The following ANKRD11 variants were observed in gnomAD, a reference collection of about 807,000 sequenced individuals.
ANKRD11 encodes ankyrin repeat domain-containing protein 11.
Under a neutral mutation model 195.7 loss-of-function variants are expected in ANKRD11, and 17 were observed. That is an observed-to-expected ratio of 0.09 (90% CI 0.06 to 0.13). ANKRD11 has a LOEUF of 0.13. Ranked by LOEUF, ANKRD11 falls within the 10% of genes least tolerant of loss-of-function variation. ANKRD11 has a pLI of 1.00. For synonymous variants in ANKRD11, 1,953 were observed against 1,528.1 expected (o/e 1.28, Z -6.49); for missense variants, 3,735 against 3,566.1 (o/e 1.05, Z -1.21).
rs576560611 is a variant in ANKRD11 at position 89,303,238 on chromosome 16, C to T, written c.226+1968G>A. On this transcript the variant is annotated intron_variant, in intron 4 of 12. Transcript: ENST00000301030. ...ACCTCAAAGGTCTGAGGCCAACTCCCGCATGGCCACTGTGCAAAGAGCTAA... is the reference window on the plus strand; with the variant it reads ...ACCTCAAAGGTCTGAGGCCAACTCCTGCATGGCCACTGTGCAAAGAGCTAA... Among the ~76,000 whole-genome samples, 15 of 152,338 alleles carry T rather than the reference C, an allele frequency of 9.8e-5. No homozygotes were observed. The South Asian group carries it at 1.4e-3, about 15-fold the overall frequency.
At chr16:89,293,928 C>A (rs150901807) in intron 4 of ANKRD11, among the ~76,000 whole-genome samples, 1 of 152,142 alleles carries the variant, frequency 6.6e-6, no homozygotes, top group Non-Finnish European at 1.5e-5. Flanking sequence ...CAGGAGCCCA[C>A]GCTGCGTCCC....
chr16:89,285,711 A>G lies in ANKRD11; in HGVS notation c.893-62T>C. On this transcript the variant is annotated intron_variant, in intron 8 of 12. Transcript: ENST00000301030. The surrounding 1 kb of genome is among the most constrained non-coding windows in gnomAD (Gnocchi z 5.6). ...TCAAAACAGCTCTCCCCAGAATGGC[A>G]GAGGAGGGAGGCTCTGCAGATGTGT... 1 of 1,559,116 alleles carries G rather than the reference A, an allele frequency of 6.4e-7. No individual in the cohort carries two copies. The highest frequency in any genetic ancestry group is 8.8e-7 in the Non-Finnish European group (1 of 1,130,552).
At chr16:89,452,779 C>CAAA (rs11401095) in intron 1 of ANKRD11, among the ~76,000 whole-genome samples, 137 of 72,982 alleles carry the variant, frequency 1.9e-3, no homozygotes, top group Middle Eastern at 7.1e-3. Flanking sequence ...GACTCTATCT[C>CAAA]AAAAAAAAAA....
At chr16:89,441,546 T>C (rs1473251406) in intron 1 of ANKRD11, among the ~76,000 whole-genome samples, 3 of 151,838 alleles carry the variant, frequency 2.0e-5, no homozygotes, top group Admixed American at 1.3e-4. Flanking sequence ...GGCGGGCGGA[T>C]CACGAGGTCA....
At chr16:89,350,357 T>G (rs534320788) in intron 2 of ANKRD11, among the ~76,000 whole-genome samples, 15 of 152,210 alleles carry the variant, frequency 9.9e-5, no homozygotes, top group African/African-American at 3.6e-4. Flanking sequence ...CATCTGATGC[T>G]TTGCATGCAA....
intron 2 of ANKRD11, among the ~76,000 whole-genome samples, chr16:89,364,455 A>T (rs1214730266): frequency 6.6e-6 from 1 of 152,216 alleles, no homozygotes; most frequent in Non-Finnish European, 1.5e-5. Flanking sequence ...GTTGTTTGAG[A>T]TGCTACTTAA....
chr16:89,432,699 C>T (rs2043033259), intron 1 of ANKRD11, among the ~76,000 whole-genome samples: 3 of 152,228 alleles, frequency 2.0e-5, no homozygotes, highest in Middle Eastern at 6.8e-3. Flanking sequence ...CACACTCACC[C>T]CCATTCATAT....
chr16:89,460,980 C>T (rs1378401331), intron 1 of ANKRD11, among the ~76,000 whole-genome samples: 7 of 76,958 alleles, frequency 9.1e-5, no homozygotes, highest in Admixed American at 2.7e-4. Flanking sequence ...CCCCCCCCCC[C>T]AACAGGAGAC....
In ANKRD11 at chr16:89,442,839, C is replaced by T. The variant is rs891498706; in HGVS notation, c.-144-24471G>A. ...GCCTGGTGAGCCTCCGGCGCTCCTG[C>T]CCCTTACAGCACAAGCCGGCCACCA... is the stretch of plus-strand genomic sequence containing the variant. On this transcript the variant is annotated intron_variant, in intron 1 of 12. Coordinates refer to ENST00000301030, the MANE Select transcript of ANKRD11 (RefSeq NM_013275.6). Among the ~76,000 whole-genome samples, 17 of 152,312 alleles carry T rather than the reference C, an allele frequency of 1.1e-4. 3 individuals carry two copies. Among genetic ancestry groups the T allele is most frequent in the Admixed American group, 6.5e-4 (10 of 15,308 alleles).
chr16:89,361,837 A>G (rs1441239185), intron 2 of ANKRD11, among the ~76,000 whole-genome samples: 1 of 152,208 alleles, frequency 6.6e-6, no homozygotes, highest in Non-Finnish European at 1.5e-5. Flanking sequence ...TTTAAAAACA[A>G]AACAAACAAA....
At chr16:89,484,816 G>A (rs375578768) in intron 1 of ANKRD11, among the ~76,000 whole-genome samples, 32 of 152,232 alleles carry the variant, frequency 2.1e-4, no homozygotes, top group African/African-American at 5.8e-4. Flanking sequence ...TTGAGAAAAA[G>A]CCAACATTTT....
Position 89,316,933 on chromosome 16 carries a change from CT to C in ANKRD11, c.86del (p.Lys29ArgfsTer8). On this transcript the variant is annotated frameshift_variant and splice_region_variant, in exon 3 of 13. Coordinates refer to ENST00000301030, the MANE Select transcript of ANKRD11 (RefSeq NM_013275.6). LOFTEE classifies it high-confidence loss of function. ...SDMVEKQTGK[K>X]DKDKVSLTKT... ...CAGGGCTGGGAGGGGGCAGCATTAC[CT>C]TTTTCCCAGTCTGCTTCTCCACCAT... 1.2e-6 allele frequency: 2 copies of C among 1,613,258 alleles called. No homozygotes were observed.
At chr16:89,359,491 C>G (rs1299808117) in intron 2 of ANKRD11, among the ~76,000 whole-genome samples, 3 of 152,226 alleles carry the variant, frequency 2.0e-5, no homozygotes, top group Non-Finnish European at 4.4e-5. Flanking sequence ...CTTCGGGATG[C>G]AGATGGCAGC....
intron 2 of ANKRD11, among the ~76,000 whole-genome samples, chr16:89,345,383 G>A (rs561463724): frequency 6.6e-6 from 1 of 151,970 alleles, no homozygotes; most frequent in Non-Finnish European, 1.5e-5. Context: ...CTCTGCCCTC[G>A]TGGGTGGACG....
chr16:89,275,371 G>A (rs1348904927), intron 9 of ANKRD11, among the ~76,000 whole-genome samples, 180 bp from the exon 10 acceptor site: 1 of 152,268 alleles, frequency 6.6e-6, no homozygotes, highest in Non-Finnish European at 1.5e-5. Flanking sequence ...CTATGTGCTG[G>A]ACGCGGGAGA....
intron 1 of ANKRD11, among the ~76,000 whole-genome samples, chr16:89,473,131 G>A (rs2152353905): frequency 6.6e-6 from 1 of 151,242 alleles, no homozygotes; most frequent in East Asian, 1.9e-4. Context: ...AATAAGTCAG[G>A]ATCACACCAC....
At position 89,284,778 on chromosome 16, in the gene ANKRD11, C is replaced by T. The variant is rs762077340; in HGVS notation, c.1764G>A (p.Ser588=). The change falls in exon 9 of 13, where the codon TCG becomes TCA. Residue 588 remains serine (S), a synonymous_variant. Transcript: ENST00000301030. ...CCTGCCTCTTCCTCACTGGCTTCAG[C>T]GATTCCACACTGGAGCCCTCAGAGG... is the stretch of plus-strand genomic sequence containing the variant. The part of the protein sequence containing the change: ...DYSSEGSSVE[S]LKPVRKRQEH... 17 of 1,613,416 alleles carry T rather than the reference C, an allele frequency of 1.1e-5. No individual in the cohort carries two copies. The highest frequency in any genetic ancestry group is 1.3e-5 in the African/African-American group (1 of 74,912).
Position 89,283,874 on chromosome 16 carries a change from GCCT to G in ANKRD11, c.2665_2667del (p.Arg890del). ...CGCTTCTCCCGGGCCCGGCTGTCCC[GCCT>G]CCTCTCCTTGCTGTCCTCCTTCACC... On this transcript the variant is annotated inframe_deletion, in exon 9 of 13. Coordinates refer to ENST00000301030, the MANE Select transcript of ANKRD11 (RefSeq NM_013275.6). This position sits in a 1 kb window ranked among gnomAD's most constrained non-coding sequence, Gnocchi z 4.3. The G allele has an allele frequency of 1.2e-6, 2 of 1,614,018 alleles. No homozygotes were observed. The highest frequency in any genetic ancestry group is 1.7e-6 in the Non-Finnish European group (2 of 1,180,018).
At chr16:89,270,540 G>A in intron 12 of ANKRD11, 1 of 496,464 alleles carries the variant, frequency 2.0e-6, no homozygotes, top group South Asian at 2.0e-5. Context: ...AGTCCCAGGA[G>A]TTCTGACCAT....
Sources: allele counts gnomAD v4.1 joint callset (sites outside exome capture counted in the v4.1 genomes callset), GRCh38; gene constraint gnomAD v4.1.1; non-coding constraint Gnocchi (gnomAD v3.1); transcripts MANE v1.5; gene names NCBI Gene and HGNC (gene_info 2026-07-23, HGNC 2026-07-21).